Variants in ZNF385D observed in about 807,000 individuals in gnomAD.
ZNF385D encodes the protein zinc finger protein 385D.
ZNF385D carries 15 observed loss-of-function variants against 35.8 expected under a neutral mutation model. That is an observed-to-expected ratio of 0.42 (90% CI 0.28 to 0.64). The LOEUF is 0.64. Among genes scored for constraint, ZNF385D ranks in the 30% least tolerant of loss-of-function variants. The pLI, the probability that ZNF385D is intolerant of heterozygous loss-of-function variation, is 0.23. For missense variants in ZNF385D, 474 were observed against 494.6 expected, an observed-to-expected ratio of 0.96 and a Z score of 0.39; for synonymous variants, 212 against 186.8, an observed-to-expected ratio of 1.13 and a Z score of -1.10.
At chr3:22,168,566 CTA>C (rs1706486463) in intron 3 of ZNF385D, 1 of 153,674 alleles carries the variant, frequency 6.5e-6, no homozygotes, top group South Asian at 2.1e-4. Flanking sequence ...TCAAGAAACT[CTA>C]AAACTCTAAC....
intron 4 of ZNF385D, among the ~76,000 whole-genome samples, chr3:21,485,749 T>C (rs1176073938): frequency 6.6e-6 from 1 of 152,118 alleles, no homozygotes; most frequent in African/African-American, 2.4e-5. Flanking sequence ...AGGCCTTATG[T>C]TAGAGGCCTT....
At chr3:22,016,943 CACACACACACACAA>C (rs1485281022) in intron 3 of ZNF385D, among the ~76,000 whole-genome samples, 2 of 149,738 alleles carry the variant, frequency 1.3e-5, no homozygotes, top group Non-Finnish European at 3.0e-5. Context: ...CGGACACACA[CACACACACACACAA>C]ACACACACAC....
intron 3 of ZNF385D, among the ~76,000 whole-genome samples, chr3:21,758,493 C>A (rs1176199360): frequency 1.3e-5 from 2 of 152,108 alleles, no homozygotes; most frequent in Non-Finnish European, 2.9e-5. Context: ...GGCCAGTCAA[C>A]CATCAGGCAA....
intron 2 of ZNF385D, among the ~76,000 whole-genome samples, chr3:22,259,277 A>T (rs1438104718): frequency 1.3e-5 from 2 of 151,922 alleles, no homozygotes; most frequent in Non-Finnish European, 2.9e-5. Flanking sequence ...AGAATTGGGG[A>T]GTTGTTTACC....
chr3:22,270,156 G>C (rs1441382034), intron 2 of ZNF385D, among the ~76,000 whole-genome samples: 1 of 151,824 alleles, frequency 6.6e-6, no homozygotes, highest in Non-Finnish European at 1.5e-5. Context: ...ATATTATTCT[G>C]ATTTATTTCC....
intron 2 of ZNF385D, among the ~76,000 whole-genome samples, chr3:22,222,323 A>G (rs572688504): frequency 1.3e-5 from 2 of 152,186 alleles, no homozygotes; most frequent in African/African-American, 4.8e-5. Context: ...CCCAGCCCCA[A>G]ATTTCAAAAA....
intron 3 of ZNF385D, among the ~76,000 whole-genome samples, chr3:22,139,878 C>T (rs1464231554): frequency 2.6e-5 from 4 of 151,654 alleles, no homozygotes; most frequent in South Asian, 2.1e-4. Context: ...TAAATAAAAG[C>T]GTGAAATAAA....
At chr3:21,905,304 G>A (rs928069060) in intron 3 of ZNF385D, among the ~76,000 whole-genome samples, 6 of 146,688 alleles carry the variant, frequency 4.1e-5, no homozygotes, top group Admixed American at 2.7e-4. Flanking sequence ...CTGTCACTTT[G>A]TATGCATAAC....
chr3:21,925,019 G>C (rs13097840), intron 3 of ZNF385D, among the ~76,000 whole-genome samples: 2 of 151,866 alleles, frequency 1.3e-5, no homozygotes, highest in Non-Finnish European at 2.9e-5. Flanking sequence ...AGAAAAATAA[G>C]TGGAGGTACA....
intron 2 of ZNF385D, among the ~76,000 whole-genome samples, chr3:21,657,389 G>A (rs1575409480): frequency 6.6e-6 from 1 of 151,870 alleles, no homozygotes; most frequent in Admixed American, 6.6e-5. Flanking sequence ...GTGCTTCGAG[G>A]TCACTATAAT....
intron 2 of ZNF385D, among the ~76,000 whole-genome samples, chr3:22,363,588 C>T (rs1696516009): frequency 6.6e-6 from 1 of 152,050 alleles, no homozygotes; most frequent in Non-Finnish European, 1.5e-5. Context: ...AGATTCAGTA[C>T]CAAGAATGGT....
chr3:21,564,812 T>C, intron 2 of ZNF385D, 128 bp from the exon 3 acceptor site: 1 of 428,486 alleles, frequency 2.3e-6, no homozygotes, highest in East Asian at 3.5e-5. Flanking sequence ...AAAGAACCTT[T>C]TTATTCTAAG....
chr3:21,632,161 G>A (rs186293281), intron 2 of ZNF385D, among the ~76,000 whole-genome samples: 4 of 152,122 alleles, frequency 2.6e-5, no homozygotes, highest in Non-Finnish European at 2.9e-5. Flanking sequence ...AATTAAAAAT[G>A]GGGGGAAACT....
At chr3:22,137,820 G>C (rs1291428510) in intron 3 of ZNF385D, among the ~76,000 whole-genome samples, 1 of 151,788 alleles carries the variant, frequency 6.6e-6, no homozygotes, top group South Asian at 2.1e-4. Flanking sequence ...CTCTGGCCAG[G>C]GCAATCAGGC....
At chr3:21,651,686 C>T (rs1033710111) in intron 2 of ZNF385D, among the ~76,000 whole-genome samples, 4 of 152,062 alleles carry the variant, frequency 2.6e-5, no homozygotes, top group Admixed American at 2.6e-4. Context: ...TAACCTCCTC[C>T]AGGAGTTCTG....
At position 21,425,581 on chromosome 3, in the gene ZNF385D, C is replaced by A. The variant is rs759889401; in HGVS notation, c.763G>T (p.Val255Phe). Reference sequence around the variant, plus strand: ...TGGAGGCCTGTGTTTCCTTTATTAACAGGTCCTTTGCCTTTCACTCCTGCC... The same window carrying A: ...TGGAGGCCTGTGTTTCCTTTATTAAAAGGTCCTTTGCCTTTCACTCCTGCC... The part of the protein sequence containing the change: ...PRAGVKGKGP[V>F]NKGNTGLQNK... Residue 255 changes from valine (V) to phenylalanine (F), a missense_variant, in exon 6 of 8, where the codon GTT (valine) becomes TTT (phenylalanine). By Grantham distance (50) the Val-to-Phe change is conservative. Transcript: ENST00000281523. 1 of 1,610,870 alleles carries A rather than the reference C, an allele frequency of 6.2e-7. No individual in the cohort carries two copies. The highest frequency in any genetic ancestry group is 1.1e-5 in the South Asian group (1 of 90,348).
At chr3:22,057,739 C>A (rs1699480653) in intron 3 of ZNF385D, among the ~76,000 whole-genome samples, 1 of 152,130 alleles carries the variant, frequency 6.6e-6, no homozygotes, top group South Asian at 2.1e-4. Flanking sequence ...GTCTCGAACT[C>A]CTGACCTCAG....
At chr3:21,742,618 G>A (rs1484806528) in intron 1 of ZNF385D, among the ~76,000 whole-genome samples, 1 of 152,200 alleles carries the variant, frequency 6.6e-6, no homozygotes, top group African/African-American at 2.4e-5. Flanking sequence ...GGAGAAACCA[G>A]GGTATTTTTC....
chr3:21,550,764 C>T (rs552645171), intron 3 of ZNF385D, among the ~76,000 whole-genome samples: 23 of 152,226 alleles, frequency 1.5e-4, no homozygotes, highest in South Asian at 6.2e-4. Flanking sequence ...TACAGTCGTG[C>T]GCCACCACTC....
Sources: allele counts gnomAD v4.1 joint callset (sites outside exome capture counted in the v4.1 genomes callset), GRCh38; gene constraint gnomAD v4.1.1; transcripts MANE v1.5; gene names NCBI Gene and HGNC (gene_info 2026-07-23, HGNC 2026-07-21).